Variants in DSCAM observed in about 807,000 individuals in gnomAD.
DSCAM encodes cell adhesion molecule DSCAM.
DSCAM carries 47 observed loss-of-function variants against 217.7 expected under a neutral mutation model. The observed-to-expected ratio is 0.22, with a 90% CI of 0.17 to 0.28. DSCAM has a LOEUF of 0.28. DSCAM is among the 10% of genes least tolerant of loss of function. DSCAM has a pLI of 1.00. For synonymous variants in DSCAM, 1,056 were observed against 1,015.3 expected (o/e 1.04, Z -0.76); for missense variants, 2,080 against 2,618.3 (o/e 0.79, Z 4.49).
At chr21:40,078,562 G>T in intron 26 of DSCAM, 125 bp downstream of exon 26, 2 of 1,280,792 alleles carry the variant, frequency 1.6e-6, no homozygotes, top group Non-Finnish European at 2.1e-6. Context: ...AATCCCGAAA[G>T]CCTAATGGGC....
At chr21:40,378,463 C>T (rs1476952295) in intron 3 of DSCAM, among the ~76,000 whole-genome samples, 1 of 151,224 alleles carries the variant, frequency 6.6e-6, no homozygotes, top group East Asian at 1.9e-4. Context: ...CCTCTTGCAA[C>T]GTCAAAGATT....
intron 14 of DSCAM, among the ~76,000 whole-genome samples, chr21:40,183,680 C>T (rs772824276): frequency 1.3e-5 from 2 of 152,164 alleles, no homozygotes; most frequent in Non-Finnish European, 2.9e-5. Context: ...GTAGCAGTCA[C>T]AGCTGGCCAA....
intron 3 of DSCAM, among the ~76,000 whole-genome samples, chr21:40,672,355 G>C (rs2090287170): frequency 6.6e-6 from 1 of 152,030 alleles, no homozygotes; most frequent in African/African-American, 2.4e-5. Flanking sequence ...GCTATATCCG[G>C]AGTTGGAAGC....
intron 1 of DSCAM, among the ~76,000 whole-genome samples, chr21:40,825,878 TATAA>T (rs1427864156): frequency 6.6e-6 from 1 of 152,138 alleles, no homozygotes; most frequent in African/African-American, 2.4e-5. Context: ...CCATCAGAAA[TATAA>T]ATAAATAAAG....
chr21:40,571,581 A>C (rs1210649299), intron 3 of DSCAM, among the ~76,000 whole-genome samples: 1 of 152,246 alleles, frequency 6.6e-6, no homozygotes, highest in East Asian at 1.9e-4. Context: ...TAGAAGCTCA[A>C]ATCTGCAGGA....
At chr21:40,487,249 T>G (rs8131798) in intron 3 of DSCAM, among the ~76,000 whole-genome samples, 1 of 112,410 alleles carries the variant, frequency 8.9e-6, no homozygotes, top group Non-Finnish European at 2.2e-5. Flanking sequence ...CTCTCTCTCT[T>G]TCTCTCCCTC....
intron 11 of DSCAM, among the ~76,000 whole-genome samples, chr21:40,199,706 A>G (rs1459355472): frequency 6.6e-6 from 1 of 152,018 alleles, no homozygotes; most frequent in African/African-American, 2.4e-5. Flanking sequence ...ATTCTCACTT[A>G]TAAGTGGGAG....
intron 11 of DSCAM, among the ~76,000 whole-genome samples, chr21:40,196,490 A>G (rs2091010492): frequency 6.6e-6 from 1 of 152,110 alleles, no homozygotes; most frequent in Admixed American, 6.5e-5. Flanking sequence ...TTCCCAGACG[A>G]TCCTAAAATA....
intron 9 of DSCAM, among the ~76,000 whole-genome samples, chr21:40,309,545 C>T (rs559150132): frequency 1.3e-5 from 2 of 152,272 alleles, no homozygotes; most frequent in African/African-American, 4.8e-5. Context: ...GCCCTAGTGA[C>T]TGCTGGGACA....
At chr21:40,575,178 G>T (rs928313256) in intron 3 of DSCAM, among the ~76,000 whole-genome samples, 4 of 151,458 alleles carry the variant, frequency 2.6e-5, no homozygotes, top group African/African-American at 9.7e-5. Flanking sequence ...GCTCATCCTG[G>T]CTCAAAAAGC....
At chr21:40,559,415 A>G (rs945235891) in intron 3 of DSCAM, among the ~76,000 whole-genome samples, 3 of 151,222 alleles carry the variant, frequency 2.0e-5, no homozygotes, top group Admixed American at 6.6e-5. Context: ...CTGAGATCGC[A>G]CCACTGCACT....
intron 11 of DSCAM, among the ~76,000 whole-genome samples, chr21:40,265,887 A>T (rs978583217): frequency 2.6e-5 from 4 of 152,158 alleles, no homozygotes; most frequent in Admixed American, 2.0e-4. Flanking sequence ...TAAATATAAA[A>T]CCTGAAACCA....
intron 3 of DSCAM, among the ~76,000 whole-genome samples, chr21:40,620,442 GGAAAGGAAAGGAAAAGAAA>G (rs2089495365): frequency 7.4e-6 from 1 of 134,962 alleles, no homozygotes. Context: ...GGGAAGGGAG[GGAAAGGAAAGGAAAAGAAA>G]GGAAGGAAGG....
intron 9 of DSCAM, among the ~76,000 whole-genome samples, chr21:40,307,070 C>T (rs2074085605): frequency 6.6e-6 from 1 of 152,052 alleles, no homozygotes. Flanking sequence ...TCCATCTGGT[C>T]CTGGATTCTT....
In DSCAM at chr21:40,764,864, A is replaced by G. The variant is rs372869272; in HGVS notation, c.44-56093T>C. 1.8e-3 allele frequency among the ~76,000 whole-genome samples: 279 copies of G among 152,192 alleles called. 1 individual carries two copies. Among genetic ancestry groups the G allele is most frequent in the African/African-American group, 6.5e-3 (268 of 41,522 alleles). On this transcript the variant is annotated intron_variant, in intron 1 of 32. Coordinates refer to ENST00000400454, the MANE Select transcript of DSCAM (RefSeq NM_001389.5). ...CTAACACAGGAACAGAAAACCAAAC[A>G]CCACATGTTCTCACTCACAAGTGGG...
At chr21:40,427,236 T>C (rs2075483459) in intron 3 of DSCAM, among the ~76,000 whole-genome samples, 3 of 152,126 alleles carry the variant, frequency 2.0e-5, no homozygotes, top group South Asian at 2.1e-4. Flanking sequence ...CTGTCCTAGC[T>C]GATCACTGTC....
At chr21:40,593,332 TCCTC>T (rs2076997793) in intron 3 of DSCAM, among the ~76,000 whole-genome samples, 1 of 151,448 alleles carries the variant, frequency 6.6e-6, no homozygotes, top group African/African-American at 2.4e-5. Flanking sequence ...TTTTTTTTTT[TCCTC>T]TGTTTTTGAG....
At chr21:40,761,519 T>A (rs1266414684) in intron 1 of DSCAM, among the ~76,000 whole-genome samples, 1 of 152,056 alleles carries the variant, frequency 6.6e-6, no homozygotes, top group Non-Finnish European at 1.5e-5. Context: ...GAGAGAGGAC[T>A]GGAACAGATC....
At chr21:40,536,433 G>A (rs1377465523) in intron 3 of DSCAM, among the ~76,000 whole-genome samples, 4 of 138,188 alleles carry the variant, frequency 2.9e-5, no homozygotes, top group Admixed American at 7.8e-5. Context: ...ACGGAGTCTC[G>A]CTGTGTCCCC....
Sources: allele counts gnomAD v4.1 joint callset (sites outside exome capture counted in the v4.1 genomes callset), GRCh38; gene constraint gnomAD v4.1.1; transcripts MANE v1.5; gene names NCBI Gene and HGNC (gene_info 2026-07-23, HGNC 2026-07-21).